Variants in CFTR observed in about 807,000 individuals in gnomAD.
CFTR encodes CF transmembrane conductance regulator.
CFTR carries 181 observed loss-of-function variants against 171.6 expected under a neutral mutation model. That is an observed-to-expected ratio of 1.05 (90% CI 0.93 to 1.19). The LOEUF is 1.19. Among genes scored for constraint, CFTR ranks in the 50% most tolerant of loss-of-function variants. CFTR has a pLI of 0.00. For synonymous variants in CFTR, 583 were observed against 608.0 expected (o/e 0.96, Z 0.60); for missense variants, 1,968 against 1,734.7 (o/e 1.13, Z -2.39).
intron 20 of CFTR, among the ~76,000 whole-genome samples, chr7:117,613,318 T>C (rs1792433608): frequency 6.6e-6 from 1 of 152,166 alleles, no homozygotes; most frequent in Non-Finnish European, 1.5e-5. Context: ...ACAATCATTA[T>C]AGTACAGAAC....
At chr7:117,649,746 G>A (rs1362775392) in intron 23 of CFTR, among the ~76,000 whole-genome samples, 1 of 151,878 alleles carries the variant, frequency 6.6e-6, no homozygotes, top group African/African-American at 2.4e-5. Flanking sequence ...TAGGAGATAT[G>A]GATGTTAAAA....
chr7:117,531,036 C>CCTA lies in CFTR; in HGVS notation c.413_415dup (p.Leu138dup), dbSNP rs397508686. The CCTA allele has an allele frequency of 1.9e-6, 3 of 1,613,658 alleles. No individual in the cohort carries two copies. The highest frequency in any genetic ancestry group is 1.7e-6 in the Non-Finnish European group (2 of 1,179,866). On this transcript the variant is annotated inframe_insertion, in exon 4 of 27. Coordinates refer to ENST00000003084, the MANE Select transcript of CFTR (RefSeq NM_000492.4). ...TTCTCTTTATTGTGAGGACACTGCT[C>CCTA]CTACACCCAGCCATTTTTGGCCTTC...
intron 3 of CFTR, among the ~76,000 whole-genome samples, chr7:117,517,477 T>A (rs1248475192): frequency 6.6e-6 from 1 of 152,216 alleles, no homozygotes; most frequent in African/African-American, 2.4e-5. Flanking sequence ...TTGGGTTGGT[T>A]CCAAGTCTTT....
chr7:117,570,372 A>C (rs569384330), intron 11 of CFTR, among the ~76,000 whole-genome samples: 1 of 152,282 alleles, frequency 6.6e-6, no homozygotes, highest in Admixed American at 6.5e-5. Flanking sequence ...TAGCCTTTGT[A>C]GCACAGGAAA....
chr7:117,665,675 A>G, intron 26 of CFTR, 111 bp downstream of exon 26: 1 of 758,022 alleles, frequency 1.3e-6, no homozygotes, highest in African/African-American at 1.7e-5. Flanking sequence ...CTTTTCAAAA[A>G]TATGTATCAT....
chr7:117,644,698 G>GTGTTT (rs1293645717), intron 23 of CFTR, among the ~76,000 whole-genome samples: 1 of 152,140 alleles, frequency 6.6e-6, no homozygotes, highest in Non-Finnish European at 1.5e-5. Context: ...GTCCTTGCAG[G>GTGTTT]TGTTTTGTTT....
chr7:117,618,800 A>G (rs1277217796), intron 21 of CFTR, among the ~76,000 whole-genome samples: 1 of 152,178 alleles, frequency 6.6e-6, no homozygotes, highest in Admixed American at 6.5e-5. Flanking sequence ...TCATCTGAAC[A>G]TTGTCACTTT....
At chr7:117,553,513 C>T (rs1356614557) in intron 10 of CFTR, among the ~76,000 whole-genome samples, 1 of 152,158 alleles carries the variant, frequency 6.6e-6, no homozygotes, top group East Asian at 1.9e-4. Context: ...CCAATTCGTA[C>T]TCATGCCATA....
At chr7:117,617,773 C>T (rs1792516663) in intron 21 of CFTR, among the ~76,000 whole-genome samples, 1 of 151,998 alleles carries the variant, frequency 6.6e-6, no homozygotes, top group Non-Finnish European at 1.5e-5. Flanking sequence ...AAATACTTTC[C>T]CTTGATCTCC....
chr7:117,509,199 A>G, intron 3 of CFTR, 57 bp downstream of exon 3: 1 of 1,082,294 alleles, frequency 9.2e-7, no homozygotes, highest in Admixed American at 1.7e-5. Flanking sequence ...CATTTTTGTG[A>G]TTATGAAAAG....
intron 21 of CFTR, among the ~76,000 whole-genome samples, chr7:117,621,935 A>G (rs1792588641): frequency 6.6e-6 from 1 of 152,188 alleles, no homozygotes; most frequent in African/African-American, 2.4e-5. Context: ...AGTTATTGAA[A>G]TGGGCACCAG....
At chr7:117,635,267 T>C (rs1421904093) in intron 22 of CFTR, among the ~76,000 whole-genome samples, 1 of 152,108 alleles carries the variant, frequency 6.6e-6, no homozygotes, top group African/African-American at 2.4e-5. Flanking sequence ...TCCAGGTCTC[T>C]TTTGGTTGGT....
At chr7:117,666,139 A>C (rs1046684984) in intron 26 of CFTR, among the ~76,000 whole-genome samples, 2 of 152,118 alleles carry the variant, frequency 1.3e-5, no homozygotes, top group Non-Finnish European at 2.9e-5. Context: ...TGGGGGGATT[A>C]CTTGAGGCCA....
chr7:117,633,822 A>T (rs1422048204), intron 22 of CFTR, among the ~76,000 whole-genome samples: 1 of 152,024 alleles, frequency 6.6e-6, no homozygotes, highest in Non-Finnish European at 1.5e-5. Flanking sequence ...TGAATGCTGA[A>T]TCAACCTTTT....
intron 1 of CFTR, among the ~76,000 whole-genome samples, chr7:117,503,347 T>C (rs1798362339): frequency 6.6e-6 from 1 of 152,224 alleles, no homozygotes; most frequent in African/African-American, 2.4e-5. Context: ...AATTCCTTTC[T>C]TTAATAAATA....
chr7:117,490,828 C>T (rs914558425), intron 1 of CFTR, among the ~76,000 whole-genome samples: 2 of 152,048 alleles, frequency 1.3e-5, no homozygotes, highest in Non-Finnish European at 2.9e-5. Context: ...AAATTTATCC[C>T]TCCTTTCCTA....
chr7:117,530,985 G>T lies in CFTR; in HGVS notation c.360G>T (p.Ala120=). The part of the protein sequence containing the change: ...DPDNKEERSI[A]IYLGIGLCLL... ...ATAACAAGGAGGAACGCTCTATCGC[G>T]ATTTATCTAGGCATAGGCTTATGCC... The change falls in exon 4 of 27, where the codon GCG becomes GCT. Residue 120 remains alanine (A), a synonymous_variant. Transcript: ENST00000003084. The T allele has an allele frequency of 6.2e-7, 1 of 1,613,684 alleles. No individual in the cohort carries two copies.
chr7:117,591,864 G>T (rs1792029281), intron 13 of CFTR, 70 bp from the exon 14 acceptor site: 1 of 985,894 alleles, frequency 1.0e-6, no homozygotes. Context: ...TTAACAAAAT[G>T]CTAAAATACG....
At chr7:117,585,050 C>T (rs976630155) in intron 11 of CFTR, among the ~76,000 whole-genome samples, 4 of 151,424 alleles carry the variant, frequency 2.6e-5, no homozygotes, top group Non-Finnish European at 4.4e-5. Flanking sequence ...GACTGTAGTT[C>T]CTTATCTTCT....
Sources: gnomAD v4.1 joint callset for allele counts (sites outside exome capture counted in the v4.1 genomes callset) on GRCh38, gnomAD v4.1.1 for gene constraint, MANE v1.5 for transcripts, NCBI Gene and HGNC (gene_info 2026-07-23, HGNC 2026-07-21) for gene names.